NIBAN1: variants seen among roughly 807,000 people sequenced by gnomAD.
NIBAN1 encodes the protein protein Niban 1.
A neutral mutation model predicts 75.1 loss-of-function variants in NIBAN1; 81 were observed. The observed-to-expected ratio is 1.08, with a 90% CI of 0.90 to 1.30. The LOEUF is 1.30. NIBAN1 is among the 50% of genes most tolerant of loss of function. The pLI is 0.00. For missense variants in NIBAN1, 1,133 were observed against 1,128.1 expected (o/e 1.00, Z -0.06); for synonymous variants, 436 against 424.8 (o/e 1.03, Z -0.32).
intron 1 of NIBAN1, among the ~76,000 whole-genome samples, chr1:184,973,748 G>T (rs1022599518): frequency 6.6e-6 from 1 of 152,224 alleles, no homozygotes; most frequent in Non-Finnish European, 1.5e-5. Flanking sequence ...CTCCGGGGCG[G>T]GAAGGGAACG....
intron 5 of NIBAN1, among the ~76,000 whole-genome samples, chr1:184,878,531 T>C (rs1483114481): frequency 1.3e-5 from 2 of 152,192 alleles, no homozygotes; most frequent in African/African-American, 2.4e-5. Context: ...CTAAAAGATA[T>C]AGTCATGGTT....
At chr1:184,823,017 A>G (rs1654745543) in intron 8 of NIBAN1, 150 bp downstream of exon 8, 1 of 889,786 alleles carries the variant, frequency 1.1e-6, no homozygotes, top group Non-Finnish European at 1.7e-6. Context: ...CCCTAATGGT[A>G]CCTCCAGCAT....
chr1:184,899,236 G>A lies in NIBAN1; in HGVS notation c.129C>T (p.His43=), dbSNP rs529614633. 1.1e-5 allele frequency: 17 copies of A among 1,613,954 alleles called. No homozygotes were observed. In the Admixed American group the frequency reaches 1.2e-4, roughly 11 times the overall value. Residue 43 remains histidine, a synonymous_variant, in exon 2 of 14, where the codon CAC becomes CAT. Transcript: ENST00000367511. The stretch of plus-strand genomic sequence containing the variant: ...TTTGCTGTTCTACTTCAGTGCGCAC[G>A]TGATTGCAGAAAGCCACAGAGTACT... The part of the protein sequence containing the change: ...SRQYSVAFCN[H]VRTEVEQQRD...
intron 1 of NIBAN1, among the ~76,000 whole-genome samples, chr1:184,927,055 TCCTC>T (rs1657702019): frequency 6.6e-6 from 1 of 152,210 alleles, no homozygotes; most frequent in Admixed American, 6.5e-5. Context: ...GATTCTGAAT[TCCTC>T]CTCTGTGTTA....
chr1:184,963,052 AG>A (rs1296440442), intron 1 of NIBAN1, among the ~76,000 whole-genome samples: 3 of 152,068 alleles, frequency 2.0e-5, no homozygotes, highest in African/African-American at 4.8e-5. Flanking sequence ...TATTAATGCA[AG>A]TGGTAAAGTA....
chr1:184,970,084 G>T (rs185942282), intron 1 of NIBAN1, among the ~76,000 whole-genome samples: 2 of 150,980 alleles, frequency 1.3e-5, no homozygotes, highest in East Asian at 3.9e-4. Flanking sequence ...TGGGAGGATC[G>T]CTTGAGCCCA....
At chr1:184,901,875 A>G (rs1656965165) in intron 1 of NIBAN1, among the ~76,000 whole-genome samples, 1 of 152,240 alleles carries the variant, frequency 6.6e-6, no homozygotes, top group African/African-American at 2.4e-5. Flanking sequence ...ATAAAGAAGC[A>G]ATTGCAGCTT....
chr1:184,879,164 G>A (rs576860003), intron 5 of NIBAN1, among the ~76,000 whole-genome samples: 2 of 152,172 alleles, frequency 1.3e-5, no homozygotes, highest in Non-Finnish European at 2.9e-5. Context: ...ACAGTAACTA[G>A]CAAGCATTTT....
At chr1:184,823,452 T>C in intron 7 of NIBAN1, 123 bp from the exon 8 acceptor site, 1 of 1,369,894 alleles carries the variant, frequency 7.3e-7, no homozygotes. Flanking sequence ...CACATTGTAA[T>C]TTTTCTTTCA....
At chr1:184,800,702 C>G (rs1464793399) in intron 12 of NIBAN1, among the ~76,000 whole-genome samples, 2 of 152,082 alleles carry the variant, frequency 1.3e-5, no homozygotes, top group African/African-American at 4.8e-5. Context: ...TATATCTACG[C>G]CATATAATAA....
At chr1:184,839,458 C>T (rs1469287403) in intron 5 of NIBAN1, among the ~76,000 whole-genome samples, 1 of 152,014 alleles carries the variant, frequency 6.6e-6, no homozygotes, top group African/African-American at 2.4e-5. Context: ...ATCTTGCAAC[C>T]CTATAGTACG....
At chr1:184,798,762 C>G (rs1418973694) in intron 12 of NIBAN1, among the ~76,000 whole-genome samples, 1 of 152,126 alleles carries the variant, frequency 6.6e-6, no homozygotes, top group Admixed American at 6.5e-5. Flanking sequence ...TCCCCCACCC[C>G]ACTTTCCAGT....
intron 1 of NIBAN1, among the ~76,000 whole-genome samples, chr1:184,927,864 C>T (rs564109961): frequency 6.6e-6 from 1 of 151,908 alleles, no homozygotes; most frequent in Non-Finnish European, 1.5e-5. Context: ...GGCACCCAAG[C>T]CACAAGACCA....
chr1:184,859,943 C>G lies in NIBAN1; in HGVS notation c.601+24690G>C, dbSNP rs901533792. Among the ~76,000 whole-genome samples, 8 of 152,164 alleles carry G rather than the reference C, an allele frequency of 5.3e-5. No individual in the cohort carries two copies. In the East Asian group the frequency reaches 9.6e-4, roughly 18 times the overall value. On this transcript the variant is annotated intron_variant, in intron 5 of 13. Transcript: ENST00000367511. ...GCAGTTAGCCTACAACCAAGCACTCCTGCAAGTCAGAGCCATGGGAAAGTG... is the reference window on the plus strand; with the variant it reads ...GCAGTTAGCCTACAACCAAGCACTCGTGCAAGTCAGAGCCATGGGAAAGTG...
At chr1:184,855,271 T>C (rs981586524) in intron 5 of NIBAN1, among the ~76,000 whole-genome samples, 17 of 152,218 alleles carry the variant, frequency 1.1e-4, no homozygotes, top group Admixed American at 2.0e-4. Context: ...GTTTATTAAA[T>C]AGTGTGGGTT....
intron 5 of NIBAN1, among the ~76,000 whole-genome samples, chr1:184,853,968 G>A (rs1056059317): frequency 2.0e-5 from 3 of 152,112 alleles, no homozygotes; most frequent in African/African-American, 7.2e-5. Flanking sequence ...AAATTTTATA[G>A]TAGCCATATC....
At chr1:184,964,289 C>T (rs1178886041) in intron 1 of NIBAN1, among the ~76,000 whole-genome samples, 7 of 152,036 alleles carry the variant, frequency 4.6e-5, no homozygotes, top group Admixed American at 1.3e-4. Flanking sequence ...TAGGATTTTC[C>T]GAGTGCTCTA....
chr1:184,893,676 C>A (rs1557903400), intron 3 of NIBAN1, among the ~76,000 whole-genome samples: 1 of 152,150 alleles, frequency 6.6e-6, no homozygotes. Context: ...AGACATAGAG[C>A]AGAGATGTCA....
At chr1:184,906,820 T>A (rs1302558465) in intron 1 of NIBAN1, among the ~76,000 whole-genome samples, 4 of 152,180 alleles carry the variant, frequency 2.6e-5, no homozygotes, top group Non-Finnish European at 5.9e-5. Context: ...GTAAAACTTT[T>A]ATGAAGTCTG....
Sources: gnomAD v4.1 joint callset for allele counts (sites outside exome capture counted in the v4.1 genomes callset) on GRCh38, gnomAD v4.1.1 for gene constraint, MANE v1.5 for transcripts, NCBI Gene and HGNC (gene_info 2026-07-23, HGNC 2026-07-21) for gene names.